KCTD8: variants seen among roughly 807,000 people sequenced by gnomAD.
The protein encoded by KCTD8 is potassium channel tetramerization domain containing 8.
In KCTD8, 27 loss-of-function variants were observed where a neutral mutation model predicts 31.5. The observed-to-expected ratio is 0.86, with a 90% CI of 0.63 to 1.18. KCTD8 has a LOEUF of 1.18. Among genes scored for constraint, KCTD8 ranks in the 50% most tolerant of loss-of-function variants. The pLI, the probability that KCTD8 is intolerant of heterozygous loss-of-function variation, is 0.00. For missense variants in KCTD8, 658 were observed against 647.7 expected (o/e 1.02, Z -0.17); for synonymous variants, 290 against 280.0 (o/e 1.04, Z -0.36).
At chr4:44,202,016 TTGG>T (rs1358842474) in intron 1 of KCTD8, among the ~76,000 whole-genome samples, 1 of 152,218 alleles carries the variant, frequency 6.6e-6, no homozygotes, top group East Asian at 1.9e-4. Context: ...AGAAGATGTA[TTGG>T]TGGCCAGCAT....
rs548916260 is a variant in KCTD8 at position 44,442,212 on chromosome 4, T to A, written c.961+5351A>T. Reference sequence around the variant, plus strand: ...CAAAAGTCCCTAAAACTAAATGTACTACTTTTATGATTTTAAAGAGTTATT... The same window carrying A: ...CAAAAGTCCCTAAAACTAAATGTACAACTTTTATGATTTTAAAGAGTTATT... On this transcript the variant is annotated intron_variant, in intron 1 of 1. Transcript: ENST00000360029. Among the ~76,000 whole-genome samples, 12 of 152,244 alleles carry A rather than the reference T, an allele frequency of 7.9e-5. No homozygotes were observed. The South Asian group carries it at 2.5e-3, about 32-fold the overall frequency.
chr4:44,373,034 C>T (rs1719829404), intron 1 of KCTD8, among the ~76,000 whole-genome samples: 1 of 152,084 alleles, frequency 6.6e-6, no homozygotes, highest in South Asian at 2.1e-4. Flanking sequence ...ATCTCTTTCA[C>T]CACATTTACA....
chr4:44,397,765 C>T (rs183453663), intron 1 of KCTD8, among the ~76,000 whole-genome samples: 193 of 152,058 alleles, frequency 1.3e-3, no homozygotes, highest in African/African-American at 4.4e-3. Flanking sequence ...TTTCTTGTTG[C>T]TAATGTGTTG....
At chr4:44,206,734 C>A (rs1714323390) in intron 1 of KCTD8, among the ~76,000 whole-genome samples, 1 of 152,096 alleles carries the variant, frequency 6.6e-6, no homozygotes, top group African/African-American at 2.4e-5. Flanking sequence ...CGAGCTCAGG[C>A]TTTGAAGACC....
rs182174248 is a variant in KCTD8 at position 44,174,242 on chromosome 4, T to G, written c.*548A>C. ...AAACATTTTTTTTTGCTTTTTTTTG[T>G]AATTTTTTTCTTTCCAAGCAACAAA... is the stretch of plus-strand genomic sequence containing the variant. On this transcript the variant is annotated 3_prime_UTR_variant, in exon 2 of 2. Transcript: ENST00000360029. The G allele has an allele frequency of 3.3e-5, 5 of 152,522 alleles. No individual in the cohort carries two copies. The highest frequency in any genetic ancestry group is 6.6e-5 in the Admixed American group (1 of 15,266). The allele number at this position is 152,522 out of a possible 1,614,324, so 9.4% of individuals were successfully genotyped here. A position where few individuals can be genotyped will look rare whatever the true frequency, so the allele number is the denominator to read the frequency against.
chr4:44,423,061 C>G (rs190818230), intron 1 of KCTD8, among the ~76,000 whole-genome samples: 2 of 152,144 alleles, frequency 1.3e-5, no homozygotes, highest in Admixed American at 1.3e-4. Context: ...GTTTACCCCC[C>G]GGGGAACATC....
intron 1 of KCTD8, among the ~76,000 whole-genome samples, chr4:44,297,209 G>A (rs1717460432): frequency 6.6e-6 from 1 of 151,954 alleles, no homozygotes; most frequent in African/African-American, 2.4e-5. Context: ...TCCATAAATA[G>A]GTAAGCCCAA....
At chr4:44,383,738 A>C (rs1258347886) in intron 1 of KCTD8, among the ~76,000 whole-genome samples, 1 of 151,928 alleles carries the variant, frequency 6.6e-6, no homozygotes, top group East Asian at 1.9e-4. Context: ...CACACACACA[A>C]AGAAAATGCT....
chr4:44,338,494 A>G lies in KCTD8; in HGVS notation c.961+109069T>C, dbSNP rs1473987376. On this transcript the variant is annotated intron_variant, in intron 1 of 1. Coordinates refer to ENST00000360029, the MANE Select transcript of KCTD8 (RefSeq NM_198353.3). Reference sequence around the variant, plus strand: ...AATATGCAACTTATGCTTTGTCTCTACGAAAACTGCAGTGTATTTGCCTTC... The same window carrying G: ...AATATGCAACTTATGCTTTGTCTCTGCGAAAACTGCAGTGTATTTGCCTTC... Among the ~76,000 whole-genome samples the G allele has an allele frequency of 2.6e-5, 4 of 152,208 alleles. No individual in the cohort carries two copies. In the East Asian group the frequency reaches 7.7e-4, roughly 29 times the overall value.
At chr4:44,291,150 A>G (rs907539001) in intron 1 of KCTD8, among the ~76,000 whole-genome samples, 1 of 152,180 alleles carries the variant, frequency 6.6e-6, no homozygotes, top group African/African-American at 2.4e-5. Context: ...TCCCACAGAC[A>G]CAATATATAT....
chr4:44,189,572 C>T (rs1328982125), intron 1 of KCTD8, among the ~76,000 whole-genome samples: 2 of 152,092 alleles, frequency 1.3e-5, no homozygotes, highest in Non-Finnish European at 2.9e-5. Context: ...CACCTTATCT[C>T]TGTTCCCATA....
intron 1 of KCTD8, among the ~76,000 whole-genome samples, chr4:44,283,207 G>A (rs1386043148): frequency 6.6e-6 from 1 of 151,834 alleles, no homozygotes; most frequent in African/African-American, 2.4e-5. Flanking sequence ...ATGCCACCAT[G>A]CCCGGCTAAT....
chr4:44,331,388 C>A (rs1560428081), intron 1 of KCTD8, among the ~76,000 whole-genome samples: 3 of 151,538 alleles, frequency 2.0e-5, no homozygotes, highest in Non-Finnish European at 4.4e-5. Context: ...CTTTAACGAC[C>A]CTATTACTGT....
intron 1 of KCTD8, among the ~76,000 whole-genome samples, chr4:44,414,941 G>T (rs74977766): frequency 0.012 from 1,802 of 152,238 alleles, 37 homozygotes; most frequent in African/African-American, 0.042. Flanking sequence ...AGTTTGGAGG[G>T]CTCAGAAGGA....
At position 44,259,915 on chromosome 4, in the gene KCTD8, T is replaced by G. The variant is rs148932991; in HGVS notation, c.962-84665A>C. ...AATATGTACTCCAATTGCTACAAAT[T>G]GAACATTTTGAAAATATGATTACAT... On this transcript the variant is annotated intron_variant, in intron 1 of 1. Transcript: ENST00000360029. Among the ~76,000 whole-genome samples, 469 of 152,020 alleles carry G rather than the reference T, an allele frequency of 3.1e-3. 1 individual carries two copies. The highest frequency in any genetic ancestry group is 4.4e-3 in the Non-Finnish European group (300 of 67,872).
intron 1 of KCTD8, among the ~76,000 whole-genome samples, chr4:44,250,093 G>A (rs1374061075): frequency 1.3e-5 from 2 of 151,704 alleles, no homozygotes; most frequent in Non-Finnish European, 3.0e-5. Context: ...GCATGGCTCT[G>A]GACATCTTTG....
chr4:44,423,714 A>G (rs1437439841), intron 1 of KCTD8, among the ~76,000 whole-genome samples: 2 of 152,146 alleles, frequency 1.3e-5, no homozygotes, highest in Non-Finnish European at 2.9e-5. Context: ...AAGGAAAAAA[A>G]CGAAAGCTTT....
At chr4:44,409,713 T>TA (rs921129264) in intron 1 of KCTD8, among the ~76,000 whole-genome samples, 22 of 151,304 alleles carry the variant, frequency 1.5e-4, no homozygotes, top group Non-Finnish European at 3.2e-4. Flanking sequence ...AAAAAAGCAT[T>TA]AAAAAAAAGC....
At chr4:44,412,254 C>A (rs1280361772) in intron 1 of KCTD8, among the ~76,000 whole-genome samples, 1 of 152,076 alleles carries the variant, frequency 6.6e-6, no homozygotes, top group Admixed American at 6.6e-5. Flanking sequence ...ACAGAGCTAC[C>A]AGCTCTAACC....
Sources: allele counts gnomAD v4.1 joint callset (sites outside exome capture counted in the v4.1 genomes callset), GRCh38; gene constraint gnomAD v4.1.1; transcripts MANE v1.5; gene names NCBI Gene and HGNC (gene_info 2026-07-23, HGNC 2026-07-21).